CDH20: variants seen among roughly 807,000 people sequenced by gnomAD.
CDH20 encodes cadherin 20, also known as cadherin-20.
A neutral mutation model predicts 74.2 loss-of-function variants in CDH20; 29 were observed. The observed-to-expected ratio is 0.39, with a 90% CI of 0.29 to 0.53. CDH20 has a LOEUF of 0.53. Among genes scored for constraint, CDH20 ranks in the 20% least tolerant of loss-of-function variants. The probability of loss-of-function intolerance (pLI) is 0.69; values close to 1 mark genes in which losing one functional copy is unlikely to be tolerated. For missense variants in CDH20, 988 were observed against 1,048.3 expected, an observed-to-expected ratio of 0.94 and a Z score of 0.79; for synonymous variants, 469 against 405.4, an observed-to-expected ratio of 1.16 and a Z score of -1.88.
intron 1 of CDH20, among the ~76,000 whole-genome samples, chr18:61,398,754 GA>G (rs1474791170): frequency 2.6e-5 from 4 of 152,118 alleles, no homozygotes; most frequent in Admixed American, 6.5e-5. Context: ...CACTCTACAG[GA>G]ATCAATGGCA....
chr18:61,376,616 A>G (rs1438021821), intron 1 of CDH20, among the ~76,000 whole-genome samples: 2 of 152,208 alleles, frequency 1.3e-5, no homozygotes, highest in East Asian at 3.8e-4. Context: ...AAATAAAAAG[A>G]GAAAATAAAA....
At chr18:61,499,758 A>G (rs1568165681) in intron 3 of CDH20, among the ~76,000 whole-genome samples, 1 of 152,194 alleles carries the variant, frequency 6.6e-6, no homozygotes, top group Non-Finnish European at 1.5e-5. Flanking sequence ...AATATTAGCT[A>G]GACAGATTTG....
At chr18:61,428,445 G>C (rs1599078344) in intron 1 of CDH20, among the ~76,000 whole-genome samples, 1 of 152,068 alleles carries the variant, frequency 6.6e-6, no homozygotes, top group South Asian at 2.1e-4. Flanking sequence ...TTGTGTTGAC[G>C]GCTCCTGCAG....
At chr18:61,475,400 G>A (rs1048349603) in intron 1 of CDH20, among the ~76,000 whole-genome samples, 3 of 152,134 alleles carry the variant, frequency 2.0e-5, no homozygotes, top group African/African-American at 7.2e-5. Context: ...AATAAAATCA[G>A]GAGTCAAACT....
chr18:61,441,212 ACCACCTCAATTTC>A, intron 1 of CDH20, among the ~76,000 whole-genome samples: 1 of 152,064 alleles, frequency 6.6e-6, no homozygotes, highest in East Asian at 1.9e-4. Context: ...CTTAAAATTC[ACCACCTCAATTTC>A]CCAGGTGGGA....
rs377021230 is a variant in CDH20, at chr18:61,550,260, A to G, written c.1900+31A>G. 77 of 1,599,504 alleles carry G rather than the reference A, an allele frequency of 4.8e-5. 1 individual carries two copies. In the African/African-American group the frequency reaches 9.8e-4, roughly 20 times the overall value. On this transcript the variant is annotated intron_variant, in intron 11 of 11. Coordinates refer to ENST00000262717, the MANE Select transcript of CDH20 (RefSeq NM_031891.4). ...TAAGGGGCTGCTTTCCCTTCTGTGG[A>G]GTCCTGCCAGTGCGCACTCAGACAT...
intron 1 of CDH20, among the ~76,000 whole-genome samples, chr18:61,484,027 T>C (rs552301178): frequency 9.8e-5 from 15 of 152,336 alleles, no homozygotes; most frequent in African/African-American, 3.6e-4. Flanking sequence ...TTATTTTTTA[T>C]GGGTCAAGGA....
chr18:61,401,035 C>T (rs1033507453), intron 1 of CDH20, among the ~76,000 whole-genome samples: 1 of 152,188 alleles, frequency 6.6e-6, no homozygotes, highest in Non-Finnish European at 1.5e-5. Flanking sequence ...CTGGCCCTCC[C>T]TGGAATATCT....
chr18:61,516,111 A>G (rs1911994171), intron 6 of CDH20, among the ~76,000 whole-genome samples: 2 of 152,202 alleles, frequency 1.3e-5, no homozygotes, highest in South Asian at 4.1e-4. Context: ...GGCACTTATA[A>G]GGTGTTATCA....
chr18:61,349,907 G>T (rs144881217), intron 1 of CDH20, among the ~76,000 whole-genome samples: 1 of 152,232 alleles, frequency 6.6e-6, no homozygotes, highest in African/African-American at 2.4e-5. Flanking sequence ...AAAAAATCAA[G>T]GCAAAGGTGC....
At chr18:61,374,155 C>T (rs1450953112) in intron 1 of CDH20, among the ~76,000 whole-genome samples, 1 of 151,986 alleles carries the variant, frequency 6.6e-6, no homozygotes, top group Non-Finnish European at 1.5e-5. Context: ...GATTTTTCAC[C>T]CTTGGTAGCC....
intron 1 of CDH20, among the ~76,000 whole-genome samples, chr18:61,420,324 A>G (rs1912830948): frequency 6.6e-6 from 1 of 151,214 alleles, no homozygotes; most frequent in African/African-American, 2.4e-5. Context: ...CAGTAGGAGC[A>G]CAACAACATG....
rs1205847515 is a variant in CDH20, at chr18:61,353,176, T to G, written c.-153+19349T>G. On this transcript the variant is annotated intron_variant, in intron 1 of 11. Transcript: ENST00000262717. The surrounding 1 kb of genome is among the most constrained non-coding windows in gnomAD (Gnocchi z 4.6). Reference sequence around the variant, plus strand: ...CAGTTTCTAACTTAGAAACATTCATTTAATTGTCTACATAACAAAGCTCAG... The same window carrying G: ...CAGTTTCTAACTTAGAAACATTCATGTAATTGTCTACATAACAAAGCTCAG... Among the ~76,000 whole-genome samples, 1 of 152,224 alleles carries G rather than the reference T, an allele frequency of 6.6e-6. No individual in the cohort carries two copies. Among genetic ancestry groups the G allele is most frequent in the African/African-American group, 2.4e-5 (1 of 41,458 alleles).
chr18:61,432,754 G>A (rs934517388), intron 1 of CDH20, among the ~76,000 whole-genome samples: 1 of 152,086 alleles, frequency 6.6e-6, no homozygotes, highest in Non-Finnish European at 1.5e-5. Flanking sequence ...CCTTCCTCCT[G>A]TTCTTCCTCT....
chr18:61,457,914 T>A (rs1909630480), intron 1 of CDH20, among the ~76,000 whole-genome samples: 1 of 152,194 alleles, frequency 6.6e-6, no homozygotes, highest in African/African-American at 2.4e-5. Context: ...AATTTTAAAA[T>A]GTAGATTATC....
chr18:61,500,102 TAAAAAAAAAAAAAAAAAAAAAAAAAAAAA>T lies in CDH20; in HGVS notation c.542-262_542-234del, dbSNP rs534695760. On this transcript the variant is annotated intron_variant, in intron 3 of 11. Transcript: ENST00000262717. The stretch of plus-strand genomic sequence containing the variant: ...CTGGCGACAGAGTGAGACTCCATCT[TAAAAAAAAAAAAAAAAAAAAAAAAAAAAA>T]AAAAAAAAAAAAAAAAAAGCAATGA... Among the ~76,000 whole-genome samples, 371 of 56,570 alleles carry T rather than the reference TAAAAAAAAAAAAAAAAAAAAAAAAAAAAA, an allele frequency of 6.6e-3. 15 individuals are homozygous for T. The highest frequency in any genetic ancestry group is 0.025 in the South Asian group (26 of 1,036). The allele number at this position is 56,570 out of a possible 152,430, so 37.1% of individuals were successfully genotyped here. A position where few individuals can be genotyped will look rare whatever the true frequency, so the allele number is the denominator to read the frequency against.
At chr18:61,390,652 A>G (rs2144201844) in intron 1 of CDH20, among the ~76,000 whole-genome samples, 1 of 152,324 alleles carries the variant, frequency 6.6e-6, no homozygotes, top group East Asian at 1.9e-4. Context: ...AAAACAGAAT[A>G]CAGAGTTCAG....
chr18:61,405,557 A>G (rs1487920328), intron 1 of CDH20, among the ~76,000 whole-genome samples: 2 of 152,234 alleles, frequency 1.3e-5, no homozygotes, highest in Non-Finnish European at 2.9e-5. Context: ...ACTGCACTCC[A>G]GGCTGGGTGA....
chr18:61,378,992 C>T (rs965232964), intron 1 of CDH20, among the ~76,000 whole-genome samples: 5 of 150,964 alleles, frequency 3.3e-5, no homozygotes, highest in East Asian at 1.9e-4. Flanking sequence ...CGGTAGTTTT[C>T]GTATAGTATT....
Sources: allele counts gnomAD v4.1 joint callset (sites outside exome capture counted in the v4.1 genomes callset), GRCh38; gene constraint gnomAD v4.1.1; non-coding constraint Gnocchi (gnomAD v3.1); transcripts MANE v1.5; gene names NCBI Gene and HGNC (gene_info 2026-07-23, HGNC 2026-07-21).